Variants in JAZF1 observed in about 807,000 individuals in gnomAD.
The protein encoded by JAZF1 is JAZF zinc finger 1, also known as juxtaposed with another zinc finger protein 1.
A neutral mutation model predicts 26.4 loss-of-function variants in JAZF1; 8 were observed. The observed-to-expected ratio is 0.30, with a 90% CI of 0.18 to 0.55. The LOEUF (loss-of-function observed/expected upper bound fraction) is 0.55. JAZF1 is among the 20% of genes least tolerant of loss of function. The pLI, the probability that JAZF1 is intolerant of heterozygous loss-of-function variation, is 0.94. For synonymous variants in JAZF1, 126 were observed against 122.3 expected (o/e 1.03, Z -0.20); for missense variants, 199 against 322.0 (o/e 0.62, Z 2.92).
intron 1 of JAZF1, among the ~76,000 whole-genome samples, chr7:28,007,313 A>G (rs1307952229): frequency 1.3e-5 from 2 of 152,102 alleles, no homozygotes; most frequent in Non-Finnish European, 2.9e-5. Context: ...ACTGAAAATA[A>G]AAAAAATTAG....
intron 3 of JAZF1, among the ~76,000 whole-genome samples, chr7:27,886,226 G>A (rs1455734487): frequency 6.6e-6 from 1 of 152,114 alleles, no homozygotes; most frequent in Non-Finnish European, 1.5e-5. Context: ...TGAGGAAACT[G>A]AGGCTTGAGA....
At chr7:27,972,774 A>C (rs373654119) in intron 2 of JAZF1, among the ~76,000 whole-genome samples, 11 of 152,244 alleles carry the variant, frequency 7.2e-5, no homozygotes, top group Middle Eastern at 3.4e-3. Flanking sequence ...AGAACGACTT[A>C]GATCTATCTC....
chr7:27,971,913 G>A (rs1464444245), intron 2 of JAZF1, among the ~76,000 whole-genome samples: 1 of 152,094 alleles, frequency 6.6e-6, no homozygotes, highest in East Asian at 1.9e-4. Flanking sequence ...ATGATGGGAG[G>A]GCAATGCAAT....
intron 3 of JAZF1, among the ~76,000 whole-genome samples, chr7:27,891,712 C>T (rs1329694405): frequency 1.3e-5 from 2 of 151,840 alleles, no homozygotes; most frequent in East Asian, 3.9e-4. Context: ...GCCTGTAGTC[C>T]CAGCTACACA....
chr7:27,922,692 G>A (rs1361511144), intron 2 of JAZF1, among the ~76,000 whole-genome samples: 2 of 151,342 alleles, frequency 1.3e-5, no homozygotes, highest in Admixed American at 6.6e-5. Context: ...TTGCATAATA[G>A]TCAAGAGAGT....
chr7:28,151,343 G>C (rs1261239296), intron 1 of JAZF1, among the ~76,000 whole-genome samples: 1 of 151,894 alleles, frequency 6.6e-6, no homozygotes, highest in Non-Finnish European at 1.5e-5. Flanking sequence ...GACCACAAGT[G>C]ATCTGCCCGC....
At chr7:28,026,003 G>A (rs1426309264) in intron 1 of JAZF1, among the ~76,000 whole-genome samples, 1 of 152,182 alleles carries the variant, frequency 6.6e-6, no homozygotes, top group East Asian at 1.9e-4. Flanking sequence ...GTGAAAGGGA[G>A]TGTTATTAAT....
At chr7:27,994,021 T>A (rs1785960322) in intron 1 of JAZF1, among the ~76,000 whole-genome samples, 2 of 152,220 alleles carry the variant, frequency 1.3e-5, no homozygotes, top group South Asian at 4.1e-4. Flanking sequence ...GATTTCTTTT[T>A]TTCTCAAATT....
intron 3 of JAZF1, among the ~76,000 whole-genome samples, chr7:27,857,775 C>A (rs1783300100): frequency 6.6e-6 from 1 of 152,194 alleles, no homozygotes; most frequent in Admixed American, 6.5e-5. Context: ...GACAAACCCA[C>A]AGCCAATATC....
intron 3 of JAZF1, among the ~76,000 whole-genome samples, chr7:27,865,110 T>G (rs539411383): frequency 6.6e-6 from 1 of 152,292 alleles, no homozygotes; most frequent in African/African-American, 2.4e-5. Flanking sequence ...GGCTCACAGA[T>G]GTTAATCCTA....
intron 1 of JAZF1, among the ~76,000 whole-genome samples, chr7:28,074,007 T>C (rs938526429): frequency 6.6e-6 from 1 of 152,124 alleles, no homozygotes; most frequent in Non-Finnish European, 1.5e-5. Context: ...AGGTGAGGCT[T>C]TTTCCCTTCA....
intron 1 of JAZF1, among the ~76,000 whole-genome samples, chr7:28,000,873 C>T (rs1786141576): frequency 6.6e-6 from 1 of 151,692 alleles, no homozygotes; most frequent in Non-Finnish European, 1.5e-5. Flanking sequence ...CTGGCCTTGG[C>T]CTCCCAAAGT....
chr7:28,016,431 AGGCT>A (rs1782895076), intron 1 of JAZF1, among the ~76,000 whole-genome samples: 1 of 152,192 alleles, frequency 6.6e-6, no homozygotes, highest in African/African-American at 2.4e-5. Context: ...CATGTTTCTG[AGGCT>A]GGCTATTTTC....
rs74866915 is a variant in JAZF1, at chr7:27,963,043, C to A, written c.188+28866G>T. Among the ~76,000 whole-genome samples the A allele has an allele frequency of 5.2e-3, 794 of 152,240 alleles. 9 individuals are homozygous for A. The highest frequency in any genetic ancestry group is 0.018 in the African/African-American group (754 of 41,548). On this transcript the variant is annotated intron_variant, in intron 2 of 4. Coordinates refer to ENST00000283928, the MANE Select transcript of JAZF1 (RefSeq NM_175061.4). Reference sequence around the variant, plus strand: ...AACTCAGCAAGCTGAACATGGCAAACCTTCATTATTAGGGAATCTGAATTC... The same window carrying A: ...AACTCAGCAAGCTGAACATGGCAAAACTTCATTATTAGGGAATCTGAATTC...
intron 1 of JAZF1, among the ~76,000 whole-genome samples, chr7:28,099,833 G>T (rs1226636051): frequency 1.3e-5 from 2 of 152,134 alleles, no homozygotes; most frequent in Non-Finnish European, 2.9e-5. Flanking sequence ...TGAACAAGAA[G>T]GGGTCCTCAC....
intron 1 of JAZF1, among the ~76,000 whole-genome samples, chr7:28,018,990 C>CTGTTCTTG: frequency 6.6e-6 from 1 of 152,142 alleles, no homozygotes; most frequent in South Asian, 2.1e-4. Flanking sequence ...AGAAGCCTGC[C>CTGTTCTTG]AAAGTCACCT....
chr7:27,845,240 G>T (rs1782996570), intron 3 of JAZF1, among the ~76,000 whole-genome samples: 1 of 152,164 alleles, frequency 6.6e-6, no homozygotes, highest in Admixed American at 6.5e-5. Context: ...TACCCCTTTG[G>T]GGCCCAGAGT....
intron 2 of JAZF1, among the ~76,000 whole-genome samples, chr7:27,969,378 G>A (rs1284662691): frequency 6.6e-6 from 1 of 152,074 alleles, no homozygotes; most frequent in Non-Finnish European, 1.5e-5. Context: ...GGGCCATGTT[G>A]TCACCTAAAT....
chr7:27,932,624 T>C (rs921956614), intron 2 of JAZF1, among the ~76,000 whole-genome samples: 2 of 152,252 alleles, frequency 1.3e-5, no homozygotes, highest in African/African-American at 4.8e-5. Context: ...GTATATCCAT[T>C]TACTTCAAAC....
Sources: allele counts gnomAD v4.1 joint callset (sites outside exome capture counted in the v4.1 genomes callset), GRCh38; gene constraint gnomAD v4.1.1; transcripts MANE v1.5; gene names NCBI Gene and HGNC (gene_info 2026-07-23, HGNC 2026-07-21).